The following NAALADL2 variants were observed in gnomAD, a reference collection of about 807,000 sequenced individuals.
NAALADL2 encodes the protein inactive N-acetylated-alpha-linked acidic dipeptidase-like protein 2.
NAALADL2 carries 76 observed loss-of-function variants against 87.2 expected under a neutral mutation model. The observed-to-expected ratio is 0.87, with a 90% CI of 0.72 to 1.05. The LOEUF (loss-of-function observed/expected upper bound fraction) is 1.05, where lower values mean the gene tolerates loss of function less well. NAALADL2 is among the 50% of genes least tolerant of loss of function. The pLI, the probability that NAALADL2 is intolerant of heterozygous loss-of-function variation, is 0.00. For synonymous variants in NAALADL2, 354 were observed against 331.0 expected (o/e 1.07, Z -0.75); for missense variants, 1,089 against 945.8 (o/e 1.15, Z -1.99).
intron 13 of NAALADL2, among the ~76,000 whole-genome samples, chr3:175,769,418 C>G (rs1271083925): frequency 6.6e-6 from 1 of 152,118 alleles, no homozygotes; most frequent in Non-Finnish European, 1.5e-5. Flanking sequence ...TGGGGATTAA[C>G]TTGGGCTGAG....
At chr3:174,825,529 A>T (rs1721881220) in intron 3 of NAALADL2, among the ~76,000 whole-genome samples, 1 of 152,204 alleles carries the variant, frequency 6.6e-6, no homozygotes, top group African/African-American at 2.4e-5. Flanking sequence ...GTGTACTGAT[A>T]CAAATGCCAG....
At chr3:174,913,572 T>G (rs1733989007) in intron 1 of NAALADL2, among the ~76,000 whole-genome samples, 1 of 152,154 alleles carries the variant, frequency 6.6e-6, no homozygotes. Context: ...GGCTACTCAT[T>G]AGTGGTGTCA....
chr3:175,320,119 C>T (rs1157833603), intron 4 of NAALADL2, among the ~76,000 whole-genome samples: 1 of 152,066 alleles, frequency 6.6e-6, no homozygotes, highest in Non-Finnish European at 1.5e-5. Context: ...TCTTTATGTT[C>T]TCTAATTACT....
chr3:175,549,560 G>A (rs1713995377), intron 9 of NAALADL2, among the ~76,000 whole-genome samples: 1 of 151,762 alleles, frequency 6.6e-6, no homozygotes, highest in Non-Finnish European at 1.5e-5. Flanking sequence ...ACAGCTTTTT[G>A]GAGACAATCA....
chr3:175,453,907 C>T (rs191857852), intron 6 of NAALADL2, among the ~76,000 whole-genome samples: 22 of 152,118 alleles, frequency 1.4e-4, no homozygotes, highest in African/African-American at 3.9e-4. Context: ...ATTATTTCTT[C>T]GGTGTTTATA....
intron 2 of NAALADL2, among the ~76,000 whole-genome samples, chr3:174,725,225 C>T: frequency 6.6e-6 from 1 of 152,274 alleles, no homozygotes; most frequent in East Asian, 1.9e-4. Context: ...AAAGATAAGT[C>T]TTAGGAGAAT....
intron 2 of NAALADL2, among the ~76,000 whole-genome samples, chr3:175,099,787 T>TTA (rs921376267): frequency 2.6e-5 from 4 of 152,104 alleles, no homozygotes; most frequent in Non-Finnish European, 5.9e-5. Flanking sequence ...TATATTATTT[T>TTA]TATAATAGAC....
At chr3:174,800,915 C>G (rs1352930406) in intron 3 of NAALADL2, among the ~76,000 whole-genome samples, 1 of 152,144 alleles carries the variant, frequency 6.6e-6, no homozygotes, top group African/African-American at 2.4e-5. Context: ...GGGCTTGTAG[C>G]CCCTTTGTTT....
intron 2 of NAALADL2, among the ~76,000 whole-genome samples, chr3:174,676,689 T>C (rs1727071433): frequency 6.6e-6 from 1 of 151,892 alleles, no homozygotes; most frequent in Admixed American, 6.6e-5. Context: ...CATCACAAAA[T>C]AAATGTTCTT....
intron 12 of NAALADL2, among the ~76,000 whole-genome samples, chr3:175,741,231 T>C (rs1276591561): frequency 6.6e-6 from 1 of 152,168 alleles, no homozygotes; most frequent in East Asian, 1.9e-4. Context: ...AGTTTCGCTG[T>C]TTGGTGAGGG....
At chr3:175,551,628 G>A (rs548861373) in intron 9 of NAALADL2, among the ~76,000 whole-genome samples, 2 of 152,196 alleles carry the variant, frequency 1.3e-5, no homozygotes, top group South Asian at 2.1e-4. Flanking sequence ...GGCCGGGCGC[G>A]GTGACTCACG....
intron 4 of NAALADL2, among the ~76,000 whole-genome samples, chr3:175,291,439 A>AT (rs1198484250): frequency 1.3e-5 from 2 of 152,190 alleles, no homozygotes; most frequent in Admixed American, 6.5e-5. Flanking sequence ...GTAATTAGAC[A>AT]TTGCATGTCT....
At chr3:175,118,092 A>G (rs1725555982) in intron 2 of NAALADL2, among the ~76,000 whole-genome samples, 2 of 146,290 alleles carry the variant, frequency 1.4e-5, no homozygotes, top group African/African-American at 2.6e-5. Flanking sequence ...AGGATGGGGA[A>G]CATCACACAC....
chr3:175,036,509 C>A (rs1278919169), intron 1 of NAALADL2, among the ~76,000 whole-genome samples: 2 of 152,058 alleles, frequency 1.3e-5, no homozygotes, highest in African/African-American at 4.8e-5. Flanking sequence ...ACACTATTCT[C>A]CTGCCTCAGC....
intron 11 of NAALADL2, among the ~76,000 whole-genome samples, chr3:175,635,433 T>A (rs1728381237): frequency 6.6e-6 from 1 of 152,088 alleles, no homozygotes; most frequent in Admixed American, 6.6e-5. Flanking sequence ...ATCTTATAAA[T>A]ATATAAAGAC....
chr3:174,494,623 A>T (rs1334704016), intron 1 of NAALADL2, among the ~76,000 whole-genome samples: 1 of 66,324 alleles, frequency 1.5e-5, no homozygotes, highest in Non-Finnish European at 3.0e-5. Flanking sequence ...TAAAGTATTA[A>T]AAAAAAAAAA....
intron 2 of NAALADL2, among the ~76,000 whole-genome samples, chr3:175,191,337 T>C (rs1217869765): frequency 1.3e-5 from 2 of 152,196 alleles, no homozygotes; most frequent in Non-Finnish European, 2.9e-5. Flanking sequence ...AGTCAAGTAA[T>C]CAGGAATTGG....
chr3:174,780,295 G>A (rs550948158), intron 3 of NAALADL2, among the ~76,000 whole-genome samples: 9 of 152,072 alleles, frequency 5.9e-5, no homozygotes, highest in Non-Finnish European at 1.3e-4. Flanking sequence ...TCTGTTATTG[G>A]TGTATAGCAA....
chr3:175,655,850 A>G (rs1259359167), intron 11 of NAALADL2, among the ~76,000 whole-genome samples: 2 of 152,166 alleles, frequency 1.3e-5, no homozygotes, highest in African/African-American at 4.8e-5. Context: ...GTTAGAATTT[A>G]CACTTGGTTC....
Sources: gnomAD v4.1 joint callset for allele counts (sites outside exome capture counted in the v4.1 genomes callset) on GRCh38, gnomAD v4.1.1 for gene constraint, MANE v1.5 for transcripts, NCBI Gene and HGNC (gene_info 2026-07-23, HGNC 2026-07-21) for gene names.